Variants in CD2AP observed in about 807,000 individuals in gnomAD.
CD2AP encodes the protein CD2 associated protein.
In CD2AP, 46 loss-of-function variants were observed where a neutral mutation model predicts 85.1. That is an observed-to-expected ratio of 0.54 (90% CI 0.43 to 0.69). The LOEUF (loss-of-function observed/expected upper bound fraction) is 0.69, where lower values mean the gene tolerates loss of function less well. Among genes scored for constraint, CD2AP ranks in the 30% least tolerant of loss-of-function variants. CD2AP has a pLI of 0.00. For synonymous variants in CD2AP, 255 were observed against 252.9 expected (o/e 1.01, Z -0.08); for missense variants, 769 against 729.5 (o/e 1.05, Z -0.62).
At chr6:47,563,152 CT>C (rs1216706549) in intron 5 of CD2AP, 1 of 182,160 alleles carries the variant, frequency 5.5e-6, no homozygotes, top group African/African-American at 2.3e-5. Context: ...TTTCTTAACC[CT>C]TGTTCTGATT....
intron 6 of CD2AP, among the ~76,000 whole-genome samples, chr6:47,574,834 T>TA (rs750814183): frequency 6.6e-6 from 1 of 152,116 alleles, no homozygotes; most frequent in Non-Finnish European, 1.5e-5. Flanking sequence ...AAAGAGGCTT[T>TA]AAAATAAAAC....
In CD2AP at chr6:47,503,337, G is replaced by C. The variant is rs559978848; in HGVS notation, c.62G>C (p.Arg21Pro). The C allele has an allele frequency of 6.2e-7, 1 of 1,613,506 alleles. No individual in the cohort carries two copies. The change falls in exon 2 of 18, where the codon CGA becomes CCA. Residue 21 changes from arginine (R) to proline (P), a missense_variant. Arg to Pro is a moderately radical substitution (Grantham distance 103). Transcript: ENST00000359314. ...DAVHDDELTI[R>P]VGEIIRNVKK... is the part of the protein sequence containing the mutation. The stretch of plus-strand genomic sequence containing the variant: ...GTACATGATGATGAATTAACTATTC[G>C]AGTTGGAGAAATCATCAGGAATGTG...
chr6:47,506,800 AGAGGGAGAGGGAGAGGG>A (rs1766182790), intron 2 of CD2AP, among the ~76,000 whole-genome samples: 1 of 2,756 alleles, frequency 3.6e-4, no homozygotes, highest in Non-Finnish European at 7.3e-4. Context: ...AGACGGAGGG[AGAGGGAGAGGGAGAGGG>A]AGAGGGAGAG....
At chr6:47,506,426 G>A (rs1228316918) in intron 2 of CD2AP, among the ~76,000 whole-genome samples, 1 of 30,470 alleles carries the variant, frequency 3.3e-5, no homozygotes, top group African/African-American at 1.3e-4. Context: ...CTGCAATCTC[G>A]GCACTTTGGG....
At chr6:47,524,384 C>T (rs927941350) in intron 2 of CD2AP, among the ~76,000 whole-genome samples, 24 of 152,246 alleles carry the variant, frequency 1.6e-4, no homozygotes, top group African/African-American at 4.8e-4. Context: ...CCATGTAAGC[C>T]TCATGTTTTT....
rs1049177204 is a variant in CD2AP, at chr6:47,600,942, G to A, written c.1417+1499G>A. ...TTTATCACATAAGTCTTTAAATGTT[G>A]ATGGAGTCCCTTTGGGAATTGAAGG... is the stretch of plus-strand genomic sequence containing the variant. On this transcript the variant is annotated intron_variant, in intron 13 of 17. Coordinates refer to ENST00000359314, the MANE Select transcript of CD2AP (RefSeq NM_012120.3). 2.6e-5 allele frequency among the ~76,000 whole-genome samples: 4 copies of A among 151,922 alleles called. No homozygotes were observed. The South Asian group carries it at 8.3e-4, about 31-fold the overall frequency.
chr6:47,623,047 T>A (rs538498722), intron 17 of CD2AP, among the ~76,000 whole-genome samples: 1 of 152,348 alleles, frequency 6.6e-6, no homozygotes, highest in South Asian at 2.1e-4. Flanking sequence ...CAATGAAAGC[T>A]ATCGTCTCAA....
intron 5 of CD2AP, among the ~76,000 whole-genome samples, chr6:47,565,353 C>A (rs1005737896): frequency 9.9e-5 from 15 of 152,078 alleles, no homozygotes; most frequent in African/African-American, 3.6e-4. Context: ...ATATACTTAA[C>A]CCTTCTTATT....
At chr6:47,623,321 C>G (rs1180374806) in intron 17 of CD2AP, among the ~76,000 whole-genome samples, 1 of 152,172 alleles carries the variant, frequency 6.6e-6, no homozygotes, top group Non-Finnish European at 1.5e-5. Flanking sequence ...GTGATGCCAT[C>G]AGGATAAGGC....
At chr6:47,608,131 G>A (rs775817246) in intron 15 of CD2AP, 103 bp downstream of exon 15, 25 of 813,576 alleles carry the variant, frequency 3.1e-5, no homozygotes, top group Non-Finnish European at 4.7e-5. Flanking sequence ...TATTTTTTCT[G>A]CCAAGAAATG....
At chr6:47,569,974 T>C (rs897651198) in intron 5 of CD2AP, among the ~76,000 whole-genome samples, 5 of 152,214 alleles carry the variant, frequency 3.3e-5, no homozygotes, top group African/African-American at 1.2e-4. Context: ...TTTCTATGTG[T>C]ACTTTTTAGG....
At chr6:47,543,119 C>T (rs1308485055) in intron 3 of CD2AP, among the ~76,000 whole-genome samples, 10 of 131,950 alleles carry the variant, frequency 7.6e-5, no homozygotes, top group Non-Finnish European at 1.5e-4. Flanking sequence ...CCACCGCACT[C>T]CAGCCTGGGC....
At chr6:47,595,536 A>G (rs1475944593) in intron 11 of CD2AP, among the ~76,000 whole-genome samples, 3 of 152,058 alleles carry the variant, frequency 2.0e-5, no homozygotes, top group African/African-American at 4.8e-5. Context: ...GAGTAAAATC[A>G]TGTGTGGTTG....
At chr6:47,619,424 A>G (rs1347753462) in intron 17 of CD2AP, among the ~76,000 whole-genome samples, 1 of 152,258 alleles carries the variant, frequency 6.6e-6, no homozygotes, top group African/African-American at 2.4e-5. Flanking sequence ...ATGGCTAAGT[A>G]GTATTCCATC....
chr6:47,539,369 C>T (rs745592031), intron 3 of CD2AP, among the ~76,000 whole-genome samples: 1 of 152,168 alleles, frequency 6.6e-6, no homozygotes, highest in Non-Finnish European at 1.5e-5. Context: ...CATACAAGCA[C>T]ATGGAGATTG....
chr6:47,579,539 A>G (rs1168611662), intron 9 of CD2AP, 50 bp downstream of exon 9: 3 of 1,217,358 alleles, frequency 2.5e-6, no homozygotes, highest in Middle Eastern at 1.9e-4. Context: ...ACATTTTGCC[A>G]CTATTCTTTT....
At chr6:47,526,510 G>A (rs116861401) in intron 2 of CD2AP, among the ~76,000 whole-genome samples, 2 of 152,184 alleles carry the variant, frequency 1.3e-5, no homozygotes, top group East Asian at 3.9e-4. Context: ...GTCTTCAGAA[G>A]ATTTATTATA....
In CD2AP at chr6:47,595,931, T is replaced by G. The variant is rs913288415; in HGVS notation, c.1179T>G (p.Thr393=). The G allele has an allele frequency of 3.1e-6, 5 of 1,612,622 alleles. No individual in the cohort carries two copies. In the African/African-American group the frequency reaches 6.7e-5, roughly 22 times the overall value. Residue 393 remains threonine, a synonymous_variant, in exon 12 of 18, where the codon ACT becomes ACG. Coordinates refer to ENST00000359314, the MANE Select transcript of CD2AP (RefSeq NM_012120.3). ...AAPQVPPKKP[T]PPTKASNLLR... The stretch of plus-strand genomic sequence containing the variant: ...CACAAGTCCCACCCAAGAAACCTAC[T>G]CCACCTACCAAAGCCAGTAATTTAC...
At chr6:47,491,340 A>G (rs1428462080) in intron 1 of CD2AP, among the ~76,000 whole-genome samples, 1 of 151,644 alleles carries the variant, frequency 6.6e-6, no homozygotes, top group Non-Finnish European at 1.5e-5. Context: ...TGGAACCATT[A>G]AAGTATTTTC....
Sources: allele counts gnomAD v4.1 joint callset (sites outside exome capture counted in the v4.1 genomes callset), GRCh38; gene constraint gnomAD v4.1.1; transcripts MANE v1.5; gene names NCBI Gene and HGNC (gene_info 2026-07-23, HGNC 2026-07-21).